CYP20A1: variants seen among roughly 807,000 people sequenced by gnomAD.
CYP20A1 encodes cytochrome P450 20A1.
In CYP20A1, 61 loss-of-function variants were observed where a neutral mutation model predicts 61.4. The ratio of observed to expected loss-of-function variants is 0.99; its 90% confidence interval spans 0.81 to 1.23. The LOEUF is 1.23. Ranked by LOEUF, CYP20A1 falls within the 50% of genes most tolerant of loss-of-function variation. The pLI, the probability that CYP20A1 is intolerant of heterozygous loss-of-function variation, is 0.00. For synonymous variants in CYP20A1, 193 were observed against 188.2 expected (o/e 1.03, Z -0.21); for missense variants, 530 against 542.4 (o/e 0.98, Z 0.23).
chr2:203,270,973 G>T (rs2067542562), intron 5 of CYP20A1, among the ~76,000 whole-genome samples: 1 of 140,842 alleles, frequency 7.1e-6, no homozygotes, highest in South Asian at 2.3e-4. Flanking sequence ...GATTATGGGT[G>T]TGAGCCACTC....
Position 203,297,130 on chromosome 2 carries a change from G to T in CYP20A1, c.*222G>T. 3.4e-6 allele frequency: 1 copy of T among 290,552 alleles called. No individual in the cohort carries two copies. The allele number at this position is 290,552 out of a possible 1,614,324, so 18.0% of individuals were successfully genotyped here. A position where few individuals can be genotyped will look rare whatever the true frequency, so the allele number is the denominator to read the frequency against. ...TTGATCATTTTAATGGGAAACTTTA[G>T]CTTTCTACTTTTTATTTTTGTTTTT... is the stretch of plus-strand genomic sequence containing the variant. On this transcript the variant is annotated 3_prime_UTR_variant, in exon 13 of 13. Transcript: ENST00000356079.
Position 203,301,399 on chromosome 2 carries a change from G to C in CYP20A1, c.*4491G>C, listed in dbSNP as rs2069018103. On this transcript the variant is annotated 3_prime_UTR_variant, in exon 13 of 13. Transcript: ENST00000356079. The stretch of plus-strand genomic sequence containing the variant: ...CTCTAGAATAGCTGGGACTACATAT[G>C]CATGCCACCATGCCCAGCTGTTTTT... Among the ~76,000 whole-genome samples, 1 of 151,678 alleles carries C rather than the reference G, an allele frequency of 6.6e-6. No individual in the cohort carries two copies. Among genetic ancestry groups the C allele is most frequent in the Admixed American group, 6.6e-5 (1 of 15,162 alleles).
chr2:203,278,518 AG>A, intron 6 of CYP20A1, 54 bp from the exon 7 acceptor site: 2 of 718,360 alleles, frequency 2.8e-6, no homozygotes, highest in Non-Finnish European at 4.4e-6. Context: ...ATTTTTTTAA[AG>A]TTCAGTCTCC....
chr2:203,296,970 C>A lies in CYP20A1; in HGVS notation c.*62C>A. The A allele has an allele frequency of 1.0e-6, 1 of 971,968 alleles. No homozygotes were observed. The highest frequency in any genetic ancestry group is 1.5e-6 in the Non-Finnish European group (1 of 664,014). 60.2% of individuals were successfully genotyped at this position (971,968 alleles called of 1,614,324 possible). A position where few individuals can be genotyped will look rare whatever the true frequency, so the allele number is the denominator to read the frequency against. On this transcript the variant is annotated 3_prime_UTR_variant, in exon 13 of 13. Coordinates refer to ENST00000356079, the MANE Select transcript of CYP20A1 (RefSeq NM_177538.3). ...AGGAAAACAACCATTTAAAAAAAAT[C>A]TATGTTGAATCCTTTTATAAACCAG...
At chr2:203,245,924 A>C in intron 2 of CYP20A1, 29 bp downstream of exon 2, 5 of 1,410,390 alleles carry the variant, frequency 3.5e-6, no homozygotes, top group Non-Finnish European at 5.0e-6. Flanking sequence ...GGAATTAAGT[A>C]GAGTTAATTC....
At chr2:203,277,554 C>T (rs562007517) in intron 6 of CYP20A1, among the ~76,000 whole-genome samples, 22 of 151,836 alleles carry the variant, frequency 1.4e-4, no homozygotes, top group African/African-American at 4.8e-4. Context: ...TTTATTCTCT[C>T]GCCCAGGCTG....
rs201689236 is a variant in CYP20A1 at position 203,292,374 on chromosome 2, G to C, written c.1148+48G>C. 19 of 1,371,466 alleles carry C rather than the reference G, an allele frequency of 1.4e-5. No homozygotes were observed. The African/African-American group carries it at 2.4e-4, about 18-fold the overall frequency. The allele number at this position is 1,371,466 out of a possible 1,614,324, so 85.0% of individuals were successfully genotyped here. On this transcript the variant is annotated intron_variant, in intron 11 of 12. Transcript: ENST00000356079. ...TTTGTGACTGTCAGTTTTTGTGTTT[G>C]CACGTTTTGCATTCCTTTCCTAACT...
chr2:203,272,851 CTTTT>C (rs372576462), intron 6 of CYP20A1, 103 bp downstream of exon 6: 181 of 428,612 alleles, frequency 4.2e-4, no homozygotes, highest in Middle Eastern at 1.4e-3. Context: ...TTTATATTTT[CTTTT>C]TTTTTTTTTT....
In CYP20A1 at chr2:203,300,944, C is replaced by T. The variant is rs555284477; in HGVS notation, c.*4036C>T. ...AGGCGAGGTGGCTCACACCTGTAAT[C>T]CCAGCACTTTGGGAGGCTGAGGCGG... is the stretch of plus-strand genomic sequence containing the variant. On this transcript the variant is annotated 3_prime_UTR_variant, in exon 13 of 13. Transcript: ENST00000356079. 2.0e-5 allele frequency among the ~76,000 whole-genome samples: 3 copies of T among 147,198 alleles called. No individual in the cohort carries two copies. Among genetic ancestry groups the T allele is most frequent in the African/African-American group, 7.5e-5 (3 of 39,884 alleles).
At position 203,298,804 on chromosome 2, in the gene CYP20A1, A is replaced by C. The variant is rs1335209059; in HGVS notation, c.*1896A>C. 6.6e-6 allele frequency among the ~76,000 whole-genome samples: 1 copy of C among 152,012 alleles called. No individual in the cohort carries two copies. The highest frequency in any genetic ancestry group is 2.4e-5 in the African/African-American group (1 of 41,400). ...TATCCTAACACTTTGGGAAGCCGAC[A>C]TGGGCAGATCACGAGGTCAAGAGAT... On this transcript the variant is annotated 3_prime_UTR_variant, in exon 13 of 13. Coordinates refer to ENST00000356079, the MANE Select transcript of CYP20A1 (RefSeq NM_177538.3).
chr2:203,304,010 A>G lies in CYP20A1; in HGVS notation c.*7102A>G, dbSNP rs2069126735. ...CAAAGTGGGCGTATAACTTGAGGTC[A>G]GGAGTTCAAGAACAGCCTGGCCAAC... On this transcript the variant is annotated 3_prime_UTR_variant, in exon 13 of 13. Coordinates refer to ENST00000356079, the MANE Select transcript of CYP20A1 (RefSeq NM_177538.3). Among the ~76,000 whole-genome samples the G allele has an allele frequency of 6.6e-6, 1 of 152,108 alleles. No individual in the cohort carries two copies. Among genetic ancestry groups the G allele is most frequent in the Non-Finnish European group, 1.5e-5 (1 of 68,014 alleles).
intron 11 of CYP20A1, among the ~76,000 whole-genome samples, chr2:203,294,941 A>ATTTTTT (rs1167546590): frequency 0.11 from 4,997 of 44,806 alleles, 667 homozygotes; most frequent in Non-Finnish European, 0.13. Context: ...CTTTAAAAAA[A>ATTTTTT]TTTTTTTTTT....
At chr2:203,283,553 T>C (rs981429387) in intron 8 of CYP20A1, among the ~76,000 whole-genome samples, 1 of 145,326 alleles carries the variant, frequency 6.9e-6, no homozygotes, top group Admixed American at 7.0e-5. Context: ...TATATTAATT[T>C]TTTTTTTTTT....
At chr2:203,280,420 G>T (rs1362896160) in intron 8 of CYP20A1, among the ~76,000 whole-genome samples, 5 of 152,154 alleles carry the variant, frequency 3.3e-5, no homozygotes, top group Admixed American at 2.6e-4. Flanking sequence ...AAAAAACAAG[G>T]CCAGGCATGG....
chr2:203,256,862 CATAGGT>C (rs1211536240), intron 4 of CYP20A1, among the ~76,000 whole-genome samples: 3 of 152,088 alleles, frequency 2.0e-5, no homozygotes, highest in Non-Finnish European at 4.4e-5. Flanking sequence ...CTCTTACTTC[CATAGGT>C]CTGTCTTTTT....
intron 4 of CYP20A1, among the ~76,000 whole-genome samples, chr2:203,264,589 TC>T (rs1249673056): frequency 6.6e-6 from 1 of 152,160 alleles, no homozygotes; most frequent in African/African-American, 2.4e-5. Flanking sequence ...CCTATTTTAA[TC>T]TTTTAATTGA....
chr2:203,239,431 C>G (rs373694514), intron 1 of CYP20A1, among the ~76,000 whole-genome samples: 3 of 152,224 alleles, frequency 2.0e-5, no homozygotes, highest in Non-Finnish European at 4.4e-5. Flanking sequence ...CCAGGCACCC[C>G]GCGCCACTCT....
intron 4 of CYP20A1, among the ~76,000 whole-genome samples, chr2:203,256,346 T>C (rs1279754280): frequency 2.0e-5 from 3 of 152,036 alleles, no homozygotes; most frequent in Non-Finnish European, 4.4e-5. Flanking sequence ...AATTCTGTTT[T>C]ATTTATTTAT....
intron 4 of CYP20A1, among the ~76,000 whole-genome samples, chr2:203,254,663 T>C (rs901924223): frequency 5.3e-5 from 8 of 152,164 alleles, no homozygotes; most frequent in Admixed American, 2.6e-4. Context: ...CATTGTATTG[T>C]AAGCATTTTT....
Sources: allele counts gnomAD v4.1 joint callset (sites outside exome capture counted in the v4.1 genomes callset), GRCh38; gene constraint gnomAD v4.1.1; transcripts MANE v1.5; gene names NCBI Gene and HGNC (gene_info 2026-07-23, HGNC 2026-07-21).